Variants in IRGQ observed in about 807,000 individuals in gnomAD.
IRGQ encodes the protein immunity related GTPase Q, also known as immunity-related GTPase family Q protein.
In IRGQ, 5 loss-of-function variants were observed where a neutral mutation model predicts 10.5. The ratio of observed to expected loss-of-function variants is 0.48; its 90% CI spans 0.25 to 1.00. The LOEUF (loss-of-function observed/expected upper bound fraction) is 1.00, where lower values mean the gene tolerates loss of function less well. Among genes scored for constraint, IRGQ ranks in the 50% least tolerant of loss-of-function variants. The probability of loss-of-function intolerance (pLI) is 0.16; values close to 1 mark genes in which losing one functional copy is unlikely to be tolerated. For synonymous variants in IRGQ, 418 were observed against 426.0 expected, an observed-to-expected ratio of 0.98 and a Z score of 0.23; for missense variants, 792 against 877.7, an observed-to-expected ratio of 0.90 and a Z score of 1.23.
In IRGQ at chr19:43,592,682, C is replaced by T; in HGVS notation, c.1216G>A (p.Gly406Ser). Residue 406 changes from glycine to serine, a missense_variant, in exon 3 of 3, where the codon GGC becomes AGC. Coordinates refer to ENST00000422989, the MANE Select transcript of IRGQ (RefSeq NM_001007561.3). The stretch of plus-strand genomic sequence containing the variant: ...AACGCAGCGGCCCGCTCTGAGTCGC[C>T]ACCACCTGATTTCTTCATGCCGACA... Reference protein sequence around the residue: ...QVVGMKKSGGGDSERAAALSP... With the variant: ...QVVGMKKSGGSDSERAAALSP... 1.2e-6 allele frequency: 2 copies of T among 1,607,740 alleles called. No individual in the cohort carries two copies. Among genetic ancestry groups the T allele is most frequent in the Non-Finnish European group, 1.7e-6 (2 of 1,179,962 alleles).
In IRGQ at chr19:43,595,008, G is replaced by A. The variant is rs756492920; in HGVS notation, c.331C>T (p.Leu111=). Residue 111 remains leucine (L), a synonymous_variant, in exon 2 of 3, where the codon CTG becomes TTG. Transcript: ENST00000422989. ...LAALARGTPL[L]AVRNLRPGDS... is the part of the protein sequence containing the mutation. ...CCAGGACGGAGGTTCCGCACAGCCAGTAGCGGGGTCCCTCGGGCCAGGGCG... is the reference window on the plus strand; with the variant it reads ...CCAGGACGGAGGTTCCGCACAGCCAATAGCGGGGTCCCTCGGGCCAGGGCG... 7.4e-6 allele frequency: 12 copies of A among 1,613,520 alleles called. No individual in the cohort carries two copies. The highest frequency in any genetic ancestry group is 1.7e-5 in the Admixed American group (1 of 59,998).
chr19:43,591,974 A>G lies in IRGQ; in HGVS notation c.*52T>C. On this transcript the variant is annotated 3_prime_UTR_variant, in exon 3 of 3. Transcript: ENST00000422989. ...ACATCCCCTTCAAGCACCCAGGATT[A>G]AGCCCAGGCATCCCCTGTCAGAGTC... The G allele has an allele frequency of 6.6e-7, 1 of 1,525,044 alleles. No homozygotes were observed. The highest frequency in any genetic ancestry group is 1.3e-5 in the South Asian group (1 of 79,062). The allele number at this position is 1,525,044 out of a possible 1,614,324, so 94.5% of individuals were successfully genotyped here. A position where few individuals can be genotyped will look rare whatever the true frequency, so the allele number is the denominator to read the frequency against.
rs1482315711 is a variant in IRGQ, at chr19:43,588,258, C to T, written c.*3768G>A. On this transcript the variant is annotated 3_prime_UTR_variant, in exon 3 of 3. Transcript: ENST00000422989. ...ACCAGCCTGGCCAACACAGTGAAACCCCATCTCTACTAAAAATACAAAAAT... is the reference window on the plus strand; with the variant it reads ...ACCAGCCTGGCCAACACAGTGAAACTCCATCTCTACTAAAAATACAAAAAT... The T allele has an allele frequency of 6.6e-6, 1 of 151,944 alleles. No homozygotes were observed. The highest frequency in any genetic ancestry group is 2.4e-5 in the African/African-American group (1 of 41,368). The allele number at this position is 151,944 out of a possible 1,614,324, so 9.4% of individuals were successfully genotyped here.
rs1973061949 is a variant in IRGQ at position 43,592,022 on chromosome 19, C to T, written c.*4G>A. 6.3e-7 allele frequency: 1 copy of T among 1,581,188 alleles called. No individual in the cohort carries two copies. Among genetic ancestry groups the T allele is most frequent in the Non-Finnish European group, 8.6e-7 (1 of 1,160,562 alleles). On this transcript the variant is annotated 3_prime_UTR_variant, in exon 3 of 3. Transcript: ENST00000422989. ...GTCTGGACTCCCAAGCCCCCTCCCA[C>T]TCCTCACTGGGCAGGCTCAGGGGGT... is the stretch of plus-strand genomic sequence containing the variant.
rs764835170 is a variant in IRGQ, at chr19:43,593,093, G to C, written c.805C>G (p.Arg269Gly). 2.5e-6 allele frequency: 4 copies of C among 1,586,674 alleles called. No individual in the cohort carries two copies. The highest frequency in any genetic ancestry group is 3.4e-6 in the Non-Finnish European group (4 of 1,162,102). ...TAPTPFPAPE[R>G]PNVVLWTVPL... Reference sequence around the variant, plus strand: ...ACGGTCCAGAGCACCACATTCGGGCGCTCTGGGGCTGGGAAGGGAGTGGGT... The same window carrying C: ...ACGGTCCAGAGCACCACATTCGGGCCCTCTGGGGCTGGGAAGGGAGTGGGT... The change falls in exon 3 of 3, where the codon CGC becomes GGC. Residue 269 changes from arginine to glycine, a missense_variant. Coordinates refer to ENST00000422989, the MANE Select transcript of IRGQ (RefSeq NM_001007561.3). This position sits in a 1 kb window ranked among gnomAD's most constrained non-coding sequence, Gnocchi z 6.4.
Position 43,588,193 on chromosome 19 carries a change from A to G in IRGQ, c.*3833T>C, listed in dbSNP as rs1442113093. On this transcript the variant is annotated 3_prime_UTR_variant, in exon 3 of 3. Coordinates refer to ENST00000422989, the MANE Select transcript of IRGQ (RefSeq NM_001007561.3). Reference sequence around the variant, plus strand: ...ACGCCTATAATCCCAGCACTTTGGGAGGCTGAGGCCGGTGGATCACCTGAG... The same window carrying G: ...ACGCCTATAATCCCAGCACTTTGGGGGGCTGAGGCCGGTGGATCACCTGAG... 6.6e-6 allele frequency: 1 copy of G among 152,072 alleles called. No individual in the cohort carries two copies. The highest frequency in any genetic ancestry group is 1.5e-5 in the Non-Finnish European group (1 of 68,054). The allele number at this position is 152,072 out of a possible 1,614,324, so 9.4% of individuals were successfully genotyped here. A position where few individuals can be genotyped will look rare whatever the true frequency, so the allele number is the denominator to read the frequency against.
Position 43,591,873 on chromosome 19 carries a change from T to C in IRGQ, c.*153A>G, listed in dbSNP as rs919891223. 24 of 455,246 alleles carry C rather than the reference T, an allele frequency of 5.3e-5. No homozygotes were observed. Among genetic ancestry groups the C allele is most frequent in the Non-Finnish European group, 8.0e-5 (23 of 286,012 alleles). 28.2% of individuals were successfully genotyped at this position (455,246 alleles called of 1,614,324 possible). On this transcript the variant is annotated 3_prime_UTR_variant, in exon 3 of 3. Coordinates refer to ENST00000422989, the MANE Select transcript of IRGQ (RefSeq NM_001007561.3). ...AAAAAAAGAAAAAAAAAAAAAAAAA[T>C]CAGGATTCCTGTCCCCCAGACTCTC...
chr19:43,589,164 T>C lies in IRGQ; in HGVS notation c.*2862A>G, dbSNP rs1347467631. On this transcript the variant is annotated 3_prime_UTR_variant, in exon 3 of 3. Coordinates refer to ENST00000422989, the MANE Select transcript of IRGQ (RefSeq NM_001007561.3). ...GTAACACACAGTGACAGTGGCAAAG[T>C]CGTGCTTGCTTCCCAGGTCCCTGAC... 7 of 152,206 alleles carry C rather than the reference T, an allele frequency of 4.6e-5. No individual in the cohort carries two copies. The highest frequency in any genetic ancestry group is 8.8e-5 in the Non-Finnish European group (6 of 68,026). 9.4% of individuals were successfully genotyped at this position (152,206 alleles called of 1,614,324 possible).
intron 2 of IRGQ, among the ~76,000 whole-genome samples, 155 bp downstream of exon 2, chr19:43,594,654 C>T (rs1471105356): frequency 6.6e-6 from 1 of 151,904 alleles, no homozygotes; most frequent in Non-Finnish European, 1.5e-5. Context: ...GCCAACATAG[C>T]GAGACCCTGT....
In IRGQ at chr19:43,594,881, C is replaced by T; in HGVS notation, c.458G>A (p.Gly153Asp). The T allele has an allele frequency of 1.2e-5, 20 of 1,613,812 alleles. No homozygotes were observed. The highest frequency in any genetic ancestry group is 1.7e-5 in the Non-Finnish European group (20 of 1,179,872). The change falls in exon 2 of 3, where the codon GGC (glycine) becomes GAC (aspartate). Residue 153 changes from glycine (G) to aspartate (D), a missense_variant. By Grantham distance (94) the Gly-to-Asp change is moderately conservative. Coordinates refer to ENST00000422989, the MANE Select transcript of IRGQ (RefSeq NM_001007561.3). ...ADLFVLPANCGSSDGCEELER... is the reference protein window; with the variant it reads ...ADLFVLPANCDSSDGCEELER... ...TAGCTCCTCGCAGCCGTCGCTGCTG[C>T]CGCAGTTCGCCGGTAGCACAAACAG...
rs754715550 is a variant in IRGQ at position 43,592,597 on chromosome 19, A to G, written c.1301T>C (p.Leu434Pro). 3 of 1,600,794 alleles carry G rather than the reference A, an allele frequency of 1.9e-6. No homozygotes were observed. In the South Asian group the frequency reaches 3.3e-5, roughly 18 times the overall value. The change falls in exon 3 of 3, where the codon CTA (leucine) becomes CCA (proline). Residue 434 changes from leucine (L) to proline (P), a missense_variant. Coordinates refer to ENST00000422989, the MANE Select transcript of IRGQ (RefSeq NM_001007561.3). ...TAGCCCTGGGAGTCCGCCAGGCCGTAGGGGGAACACTGGCGGCGGCGCCTC... is the reference window on the plus strand; with the variant it reads ...TAGCCCTGGGAGTCCGCCAGGCCGTGGGGGGAACACTGGCGGCGGCGCCTC... ...LEEAPPPVFP[L>P]RPGGLPGLCE... is the part of the protein sequence containing the mutation.
chr19:43,585,739 A>G lies in IRGQ; in HGVS notation c.*6287T>C, dbSNP rs975257801. 1.3e-5 allele frequency: 2 copies of G among 152,138 alleles called. No individual in the cohort carries two copies. The highest frequency in any genetic ancestry group is 4.8e-5 in the African/African-American group (2 of 41,442). 9.4% of individuals were successfully genotyped at this position (152,138 alleles called of 1,614,324 possible). A position where few individuals can be genotyped will look rare whatever the true frequency, so the allele number is the denominator to read the frequency against. ...TACCATCATAAGCTCCCAATGTTTA[A>G]ACAGTAAGTCTGCCCGCACTCCTTC... On this transcript the variant is annotated 3_prime_UTR_variant, in exon 3 of 3. Coordinates refer to ENST00000422989, the MANE Select transcript of IRGQ (RefSeq NM_001007561.3).
Position 43,591,920 on chromosome 19 carries a change from C to T in IRGQ, c.*106G>A, listed in dbSNP as rs1382709690. The T allele has an allele frequency of 1.3e-5, 14 of 1,109,630 alleles. No individual in the cohort carries two copies. In the East Asian group the frequency reaches 2.2e-4, roughly 18 times the overall value. 68.7% of individuals were successfully genotyped at this position (1,109,630 alleles called of 1,614,324 possible). On this transcript the variant is annotated 3_prime_UTR_variant, in exon 3 of 3. Transcript: ENST00000422989. ...TCTCTGAATCCAGGTGATAAGAAGT[C>T]ACACATCCCAGCTGGAAGTCAAGAG...
In IRGQ at chr19:43,594,954, C is replaced by A; in HGVS notation, c.385G>T (p.Asp129Tyr). ...CTGTTCAGCAGAGCTGCTGTCTGAT[C>A]ACGGGCCTGGGCGGCAGTCTGTGAA... The part of the protein sequence containing the change: ...GDSQTAAQAR[D>Y]QTAALLNSAG... Residue 129 changes from aspartate to tyrosine, a missense_variant, in exon 2 of 3, where the codon GAT becomes TAT. Asp to Tyr is a radical substitution (Grantham distance 160). Transcript: ENST00000422989. The A allele has an allele frequency of 6.2e-7, 1 of 1,614,074 alleles. No homozygotes were observed. Among genetic ancestry groups the A allele is most frequent in the Non-Finnish European group, 8.5e-7 (1 of 1,179,956 alleles).
At position 43,592,944 on chromosome 19, in the gene IRGQ, G is replaced by A. The variant is rs748332226; in HGVS notation, c.954C>T (p.Ala318=). 12 of 1,610,612 alleles carry A rather than the reference G, an allele frequency of 7.5e-6. No homozygotes were observed. In the South Asian group the frequency reaches 1.3e-4, roughly 18 times the overall value. ...PTEKDWAQVQ[A]LLLPDAPLVC... ...CAAGAGGCGCATCTGGTAGCAGCAA[G>A]GCCTGGACCTGGGCCCAGTCCTTCT... The change falls in exon 3 of 3, where the codon GCC becomes GCT. Residue 318 remains alanine, a synonymous_variant. Coordinates refer to ENST00000422989, the MANE Select transcript of IRGQ (RefSeq NM_001007561.3).
In IRGQ at chr19:43,594,928, G is replaced by A; in HGVS notation, c.411C>T (p.Ser137=). The A allele has an allele frequency of 1.2e-6, 2 of 1,614,060 alleles. No homozygotes were observed. Among genetic ancestry groups the A allele is most frequent in the East Asian group, 2.2e-5 (1 of 44,870 alleles). Residue 137 remains serine, a synonymous_variant, in exon 2 of 3, where the codon AGC becomes AGT. Coordinates refer to ENST00000422989, the MANE Select transcript of IRGQ (RefSeq NM_001007561.3). ...ACAGATCCGCAGCTCCTAACCCCGC[G>A]CTGTTCAGCAGAGCTGCTGTCTGAT... The part of the protein sequence containing the change: ...ARDQTAALLN[S]AGLGAADLFV...
chr19:43,594,509 C>T (rs1359889943), intron 2 of IRGQ, among the ~76,000 whole-genome samples: 2 of 151,844 alleles, frequency 1.3e-5, no homozygotes, highest in Admixed American at 6.6e-5. Context: ...CGGCACTGCA[C>T]TCCAGCCTGG....
chr19:43,591,860 A>AAC lies in IRGQ; in HGVS notation c.*165_*166insGT. On this transcript the variant is annotated 3_prime_UTR_variant, in exon 3 of 3. Transcript: ENST00000422989. ...ACTTCGTCTCACAAAAAAAAGAAAA[A>AAC]AAAAAAAAAAAATCAGGATTCCTGT... 1.4e-6 allele frequency: 1 copy of AAC among 692,018 alleles called. No individual in the cohort carries two copies. Among genetic ancestry groups the AAC allele is most frequent in the South Asian group, 3.5e-5 (1 of 28,964 alleles). The allele number at this position is 692,018 out of a possible 1,614,324, so 42.9% of individuals were successfully genotyped here.
Position 43,591,218 on chromosome 19 carries a change from T to A in IRGQ, c.*808A>T, listed in dbSNP as rs1486691434. 6.6e-6 allele frequency: 1 copy of A among 152,214 alleles called. No individual in the cohort carries two copies. Among genetic ancestry groups the A allele is most frequent in the African/African-American group, 2.4e-5 (1 of 41,432 alleles). The allele number at this position is 152,214 out of a possible 1,614,324, so 9.4% of individuals were successfully genotyped here. On this transcript the variant is annotated 3_prime_UTR_variant, in exon 3 of 3. Coordinates refer to ENST00000422989, the MANE Select transcript of IRGQ (RefSeq NM_001007561.3). Reference sequence around the variant, plus strand: ...AGGGGCCTCCGCCACCCCATCAAGATTCAAAGCCCACTGCTCCTTGGGGAC... The same window carrying A: ...AGGGGCCTCCGCCACCCCATCAAGAATCAAAGCCCACTGCTCCTTGGGGAC...
Sources: allele counts gnomAD v4.1 joint callset (sites outside exome capture counted in the v4.1 genomes callset), GRCh38; gene constraint gnomAD v4.1.1; non-coding constraint Gnocchi (gnomAD v3.1); transcripts MANE v1.5; gene names NCBI Gene and HGNC (gene_info 2026-07-23, HGNC 2026-07-21).